ASB2: variants seen among roughly 807,000 people sequenced by gnomAD.
ASB2 encodes ankyrin repeat and SOCS box protein 2.
ASB2 carries 58 observed loss-of-function variants against 62.4 expected under a neutral mutation model. That is an observed-to-expected ratio of 0.93 (90% CI 0.75 to 1.16). ASB2 has a LOEUF of 1.16. Ranked by LOEUF, ASB2 falls within the 50% of genes most tolerant of loss-of-function variation. The pLI, the probability that ASB2 is intolerant of heterozygous loss-of-function variation, is 0.00. For synonymous variants in ASB2, 386 were observed against 385.3 expected (o/e 1.00, Z -0.02); for missense variants, 928 against 887.9 (o/e 1.05, Z -0.57).
intron 9 of ASB2, among the ~76,000 whole-genome samples, chr14:93,935,312 C>T (rs1888231749): frequency 6.6e-6 from 1 of 152,226 alleles, no homozygotes; most frequent in Non-Finnish European, 1.5e-5. Context: ...TGGCTGCCTC[C>T]CCCAGGAGCC....
Position 93,937,931 on chromosome 14 carries a change from G to A in ASB2, c.1618-80C>T, listed in dbSNP as rs1888335040. On this transcript the variant is annotated intron_variant, in intron 8 of 9. Coordinates refer to ENST00000555019, the MANE Select transcript of ASB2 (RefSeq NM_001202429.2). ...TGCGGCCAGGGACGGCAGCGGATGT[G>A]TCCAAGCACAGACACTGTGCACACC... 23 of 1,425,276 alleles carry A rather than the reference G, an allele frequency of 1.6e-5. No homozygotes were observed. The Middle Eastern group carries it at 7.2e-4, about 45-fold the overall frequency. 88.3% of individuals were successfully genotyped at this position (1,425,276 alleles called of 1,614,324 possible).
chr14:93,967,652 C>T (rs572538164), intron 1 of ASB2, among the ~76,000 whole-genome samples: 11 of 152,278 alleles, frequency 7.2e-5, no homozygotes, highest in South Asian at 4.1e-4. Context: ...GGAAGTTTTC[C>T]GCAGATTTTT....
chr14:93,955,289 A>G, intron 3 of ASB2: 1 of 400,790 alleles, frequency 2.5e-6, no homozygotes, highest in Non-Finnish European at 5.0e-6. Flanking sequence ...CTCTGCCACC[A>G]GCCCCTGCAC....
intron 2 of ASB2, among the ~76,000 whole-genome samples, chr14:93,962,207 CG>C (rs60113787): frequency 0.46 from 65,765 of 143,280 alleles, 16,210 homozygotes; most frequent in East Asian, 0.97. Flanking sequence ...CTCCGCCTCC[CG>C]GGTTCACACC....
Position 93,939,622 on chromosome 14 carries a change from C to G in ASB2, c.1103G>C (p.Ser368Thr). The G allele has an allele frequency of 2.6e-6, 4 of 1,546,724 alleles. No homozygotes were observed. Among genetic ancestry groups the G allele is most frequent in the Non-Finnish European group, 3.5e-6 (4 of 1,153,982 alleles). Residue 368 changes from serine (S) to threonine (T), a missense_variant, in exon 8 of 10, where the codon AGC becomes ACC. Coordinates refer to ENST00000555019, the MANE Select transcript of ASB2 (RefSeq NM_001202429.2). ...PVTSRTRIRRSGVSPLHLAAE... is the reference protein window; with the variant it reads ...PVTSRTRIRRTGVSPLHLAAE... The stretch of plus-strand genomic sequence containing the variant: ...CGCCAGGTGCAGCGGACTGACGCCG[C>G]TACGGCGTATGCGCGTGCGGCTGGT...
chr14:93,969,232 A>G (rs533278032), intron 1 of ASB2, among the ~76,000 whole-genome samples: 2 of 152,282 alleles, frequency 1.3e-5, no homozygotes, highest in Non-Finnish European at 2.9e-5. Context: ...GAACGGATGC[A>G]GTCGTAGGCT....
intron 1 of ASB2, among the ~76,000 whole-genome samples, chr14:93,972,567 T>A (rs1349378908): frequency 6.6e-6 from 1 of 152,102 alleles, no homozygotes; most frequent in Admixed American, 6.5e-5. Flanking sequence ...GGTACAGAGG[T>A]TGAGACCACG....
At chr14:93,945,966 A>C (rs1210472508) in intron 7 of ASB2, among the ~76,000 whole-genome samples, 4 of 152,246 alleles carry the variant, frequency 2.6e-5, no homozygotes, top group Non-Finnish European at 5.9e-5. Flanking sequence ...TTTAAATGAA[A>C]TGTTTTTAAA....
At chr14:93,942,228 G>T (rs1226618587) in intron 7 of ASB2, 1 of 456,092 alleles carries the variant, frequency 2.2e-6, no homozygotes, top group South Asian at 1.5e-5. Flanking sequence ...GAGTATAATT[G>T]CTCAAGCGGC....
rs556701122 is a variant in ASB2, at chr14:93,941,393, G to A, written c.1053-1721C>T. On this transcript the variant is annotated intron_variant, in intron 7 of 9. Coordinates refer to ENST00000555019, the MANE Select transcript of ASB2 (RefSeq NM_001202429.2). ...CCCATTCCCACGCCTCTGGCCTCCT[G>A]GCACACAGGCTTCCTGGAAATCTGA... 1.5e-4 allele frequency: 47 copies of A among 324,076 alleles called. 1 individual carries two copies. Among genetic ancestry groups the A allele is most frequent in the South Asian group, 1.1e-3 (47 of 41,992 alleles). 20.1% of individuals were successfully genotyped at this position (324,076 alleles called of 1,614,324 possible). A position where few individuals can be genotyped will look rare whatever the true frequency, so the allele number is the denominator to read the frequency against.
At chr14:93,952,050 G>C (rs1175707179) in intron 5 of ASB2, among the ~76,000 whole-genome samples, 1 of 152,224 alleles carries the variant, frequency 6.6e-6, no homozygotes, top group African/African-American at 2.4e-5. Context: ...GTGTCAGTGG[G>C]AGGAGGAGTG....
At chr14:93,971,576 C>T (rs1169855691) in intron 1 of ASB2, among the ~76,000 whole-genome samples, 1 of 152,186 alleles carries the variant, frequency 6.6e-6, no homozygotes, top group Non-Finnish European at 1.5e-5. Context: ...TTATGCAAAG[C>T]CTGTGGTTCA....
At chr14:93,970,570 G>C (rs1464515142) in intron 1 of ASB2, among the ~76,000 whole-genome samples, 1 of 152,152 alleles carries the variant, frequency 6.6e-6, no homozygotes, top group Non-Finnish European at 1.5e-5. Flanking sequence ...TCGCACTCAT[G>C]TTGTAACCCC....
Position 93,952,859 on chromosome 14 carries a change from C to T in ASB2, c.634+493G>A, listed in dbSNP as rs574376378. Reference sequence around the variant, plus strand: ...ACTGCTAGGGCAGCCAACAAATGTCCATGGATGATGTACTGAGTAAGCCAG... The same window carrying T: ...ACTGCTAGGGCAGCCAACAAATGTCTATGGATGATGTACTGAGTAAGCCAG... On this transcript the variant is annotated intron_variant, in intron 5 of 9. Transcript: ENST00000555019. Among the ~76,000 whole-genome samples, 15 of 152,340 alleles carry T rather than the reference C, an allele frequency of 9.8e-5. No individual in the cohort carries two copies. The South Asian group carries it at 3.1e-3, about 32-fold the overall frequency.
At chr14:93,973,603 C>G (rs1001277570) in intron 1 of ASB2, among the ~76,000 whole-genome samples, 1 of 152,222 alleles carries the variant, frequency 6.6e-6, no homozygotes, top group Non-Finnish European at 1.5e-5. Flanking sequence ...TCTTTGGGCC[C>G]CTGAGCTATT....
chr14:93,957,359 G>A lies in ASB2; in HGVS notation c.207-489C>T, dbSNP rs371596976. 5.8e-5 allele frequency: 59 copies of A among 1,023,242 alleles called. 1 individual carries two copies. The highest frequency in any genetic ancestry group is 4.8e-4 in the Middle Eastern group (1 of 2,090). 63.4% of individuals were successfully genotyped at this position (1,023,242 alleles called of 1,614,324 possible). A position where few individuals can be genotyped will look rare whatever the true frequency, so the allele number is the denominator to read the frequency against. On this transcript the variant is annotated intron_variant, in intron 2 of 9. Coordinates refer to ENST00000555019, the MANE Select transcript of ASB2 (RefSeq NM_001202429.2). Reference sequence around the variant, plus strand: ...GCCAAGCTGTACCTGTGCCCCCCACGCCCACCTGCCAGCTCATTAGGGGAT... The same window carrying A: ...GCCAAGCTGTACCTGTGCCCCCCACACCCACCTGCCAGCTCATTAGGGGAT...
At chr14:93,964,274 T>A in intron 2 of ASB2, 60 bp downstream of exon 2, 1 of 1,449,396 alleles carries the variant, frequency 6.9e-7, no homozygotes, top group African/African-American at 1.4e-5. Flanking sequence ...GCATTAGGGA[T>A]CTACAGTCTG....
At chr14:93,971,288 A>C (rs1027188866) in intron 1 of ASB2, among the ~76,000 whole-genome samples, 1 of 150,212 alleles carries the variant, frequency 6.7e-6, no homozygotes, top group Non-Finnish European at 1.5e-5. Flanking sequence ...GGGGATCTCC[A>C]CGCCCTCCCC....
At chr14:93,948,728 T>C (rs1452139385) in intron 6 of ASB2, among the ~76,000 whole-genome samples, 2 of 151,320 alleles carry the variant, frequency 1.3e-5, no homozygotes, top group African/African-American at 4.9e-5. Flanking sequence ...AGCTCAGGAA[T>C]TCAAGACTAG....
Sources: allele counts gnomAD v4.1 joint callset (sites outside exome capture counted in the v4.1 genomes callset), GRCh38; gene constraint gnomAD v4.1.1; transcripts MANE v1.5; gene names NCBI Gene and HGNC (gene_info 2026-07-23, HGNC 2026-07-21).